The following LOXHD1 variants were observed in gnomAD, a reference collection of about 807,000 sequenced individuals.
LOXHD1 encodes the protein lipoxygenase homology domain-containing protein 1.
LOXHD1 carries 205 observed loss-of-function variants against 248.2 expected under a neutral mutation model. That is an observed-to-expected ratio of 0.83 (90% CI 0.74 to 0.93). The LOEUF (loss-of-function observed/expected upper bound fraction) is 0.93. Ranked by LOEUF, LOXHD1 falls within the 40% of genes least tolerant of loss-of-function variation. The pLI, the probability that LOXHD1 is intolerant of heterozygous loss-of-function variation, is 0.00. For missense variants in LOXHD1, 2,930 were observed against 2,971.6 expected, an observed-to-expected ratio of 0.99 and a Z score of 0.33; for synonymous variants, 1,113 against 1,162.8, an observed-to-expected ratio of 0.96 and a Z score of 0.87.
chr18:46,623,870 C>A (rs887318680), intron 4 of LOXHD1, among the ~76,000 whole-genome samples: 5 of 152,214 alleles, frequency 3.3e-5, no homozygotes, highest in Non-Finnish European at 5.9e-5. Flanking sequence ...GGGGGCCGGG[C>A]CCCCTAATTC....
At chr18:46,590,954 AACTAACAGAATGATC>A (rs1173645616) in intron 12 of LOXHD1, among the ~76,000 whole-genome samples, 5 of 152,246 alleles carry the variant, frequency 3.3e-5, no homozygotes, top group Non-Finnish European at 5.9e-5. Context: ...TGCCTAATTA[AACTAACAGAATGATC>A]TCTTTTTAGA....
At chr18:46,595,941 T>C (rs2038250512) in intron 8 of LOXHD1, among the ~76,000 whole-genome samples, 3 of 152,184 alleles carry the variant, frequency 2.0e-5, no homozygotes, top group Non-Finnish European at 4.4e-5. Flanking sequence ...TCTCACCCCA[T>C]GGGTTCCCTG....
chr18:46,639,562 G>C, intron 4 of LOXHD1, 54 bp downstream of exon 4: 7 of 1,514,646 alleles, frequency 4.6e-6, no homozygotes, highest in Non-Finnish European at 6.2e-6. Flanking sequence ...TCTTTCCTGG[G>C]TGAGCCCAGC....
intron 36 of LOXHD1, among the ~76,000 whole-genome samples, chr18:46,506,527 C>A (rs1453673320): frequency 2.0e-5 from 3 of 152,176 alleles, no homozygotes. Flanking sequence ...AGGGGTGACC[C>A]AGTGAAGCTT....
intron 34 of LOXHD1, among the ~76,000 whole-genome samples, chr18:46,511,687 AC>A (rs1161041836): frequency 5.3e-5 from 8 of 152,110 alleles, no homozygotes; most frequent in South Asian, 2.1e-4. Context: ...ATGGTTAGGG[AC>A]CCTGGGAGAG....
chr18:46,501,230 A>T (rs2034209482), intron 37 of LOXHD1, among the ~76,000 whole-genome samples: 1 of 152,254 alleles, frequency 6.6e-6, no homozygotes, highest in Non-Finnish European at 1.5e-5. Flanking sequence ...GGACATATGC[A>T]GAGTGGCAAA....
chr18:46,564,093 A>AGAGTGT (rs113795459), intron 17 of LOXHD1, among the ~76,000 whole-genome samples: 96 of 149,030 alleles, frequency 6.4e-4, no homozygotes, highest in African/African-American at 2.3e-3. Context: ...GGAGAGAGAG[A>AGAGTGT]GTGTGTGTGT....
chr18:46,594,487 T>A (rs1245355446), intron 8 of LOXHD1, 21 bp from the exon 9 acceptor site: 38 of 1,550,740 alleles, frequency 2.5e-5, no homozygotes, highest in Non-Finnish European at 3.2e-5. Context: ...TGGAGCACAG[T>A]GTCTCCGGCA....
chr18:46,507,475 T>G, intron 36 of LOXHD1, 63 bp downstream of exon 36: 1 of 1,540,276 alleles, frequency 6.5e-7, no homozygotes, highest in Non-Finnish European at 8.8e-7. Flanking sequence ...AACAAGGGCC[T>G]GAGCCCGAAT....
Position 46,624,477 on chromosome 18 carries a change from G to A in LOXHD1, c.512-6187C>T, listed in dbSNP as rs185615583. On this transcript the variant is annotated intron_variant, in intron 4 of 40. Coordinates refer to ENST00000642948, the MANE Select transcript of LOXHD1 (RefSeq NM_001384474.1). The stretch of plus-strand genomic sequence containing the variant: ...ATGCCATGTGCCGGTGCCGGAAGCT[G>A]GCTCATGGCCACCGACCAATGGATT... 2.6e-5 allele frequency among the ~76,000 whole-genome samples: 4 copies of A among 152,312 alleles called. 1 individual carries two copies. The highest frequency in any genetic ancestry group is 2.6e-4 in the Admixed American group (4 of 15,308).
chr18:46,522,617 G>A (rs541980593), intron 31 of LOXHD1, among the ~76,000 whole-genome samples: 1 of 152,276 alleles, frequency 6.6e-6, no homozygotes, highest in African/African-American at 2.4e-5. Flanking sequence ...ATTATGTGAA[G>A]GAGGGTAAGA....
chr18:46,616,839 T>C (rs976937050), intron 5 of LOXHD1, among the ~76,000 whole-genome samples: 1 of 152,224 alleles, frequency 6.6e-6, no homozygotes, highest in African/African-American at 2.4e-5. Context: ...AATCTAACTA[T>C]TGTTTTTATA....
intron 5 of LOXHD1, 88 bp downstream of exon 5, chr18:46,618,104 G>T: frequency 2.1e-6 from 2 of 965,282 alleles, no homozygotes; most frequent in Non-Finnish European, 3.2e-6. Flanking sequence ...TGGGGCTCAA[G>T]CTGCCTTCCT....
intron 27 of LOXHD1, 106 bp from the exon 28 acceptor site, chr18:46,533,430 GC>G: frequency 7.6e-7 from 1 of 1,318,606 alleles, no homozygotes; most frequent in Non-Finnish European, 1.0e-6. Context: ...GGATCATGGG[GC>G]CCCATAAATA....
intron 8 of LOXHD1, among the ~76,000 whole-genome samples, chr18:46,597,542 G>GCACACACACACACA (rs1491182198): frequency 1.6e-5 from 1 of 61,014 alleles, no homozygotes; most frequent in Admixed American, 2.0e-4. Context: ...AGTGGTACAT[G>GCACACACACACACA]CGCACACACA....
At chr18:46,541,100 G>C (rs752202834) in intron 25 of LOXHD1, among the ~76,000 whole-genome samples, 31 of 152,158 alleles carry the variant, frequency 2.0e-4, no homozygotes, top group Non-Finnish European at 3.7e-4. Context: ...TTGATTCCCA[G>C]TACATAGTAC....
chr18:46,560,594 A>G (rs1210060614), intron 18 of LOXHD1, 49 bp from the exon 19 acceptor site: 1 of 1,450,706 alleles, frequency 6.9e-7, no homozygotes, highest in Non-Finnish European at 9.1e-7. Flanking sequence ...CGTCCTCCCC[A>G]ACGCCCCCAA....
intron 21 of LOXHD1, among the ~76,000 whole-genome samples, chr18:46,551,392 C>G (rs1206230098): frequency 6.6e-6 from 1 of 152,086 alleles, no homozygotes; most frequent in Non-Finnish European, 1.5e-5. Context: ...CATGAGCCAC[C>G]ACACCCGGCC....
chr18:46,619,728 A>G (rs955216991), intron 4 of LOXHD1, among the ~76,000 whole-genome samples: 3 of 152,228 alleles, frequency 2.0e-5, no homozygotes, highest in Admixed American at 6.5e-5. Context: ...GGAGCCCCAC[A>G]GAGGACAGCC....
Sources: gnomAD v4.1 joint callset for allele counts (sites outside exome capture counted in the v4.1 genomes callset) on GRCh38, gnomAD v4.1.1 for gene constraint, MANE v1.5 for transcripts, NCBI Gene and HGNC (gene_info 2026-07-23, HGNC 2026-07-21) for gene names.